The following USP31 variants were observed in gnomAD, a reference collection of about 807,000 sequenced individuals.
The protein encoded by USP31 is ubiquitin specific peptidase 31.
USP31 carries 44 observed loss-of-function variants against 119.4 expected under a neutral mutation model. The observed-to-expected ratio is 0.37, with a 90% CI of 0.29 to 0.47. The LOEUF is 0.47. Among genes scored for constraint, USP31 ranks in the 20% least tolerant of loss-of-function variants. USP31 has a pLI of 0.99. For missense variants in USP31, 1,643 were observed against 1,730.2 expected (o/e 0.95, Z 0.89); for synonymous variants, 749 against 705.6 (o/e 1.06, Z -0.97).
chr16:23,107,112 CAAA>C (rs550513867), intron 2 of USP31, among the ~76,000 whole-genome samples: 1 of 128,798 alleles, frequency 7.8e-6, no homozygotes. Context: ...AAGTCCGTCT[CAAA>C]AAAAAAAAAA....
intron 15 of USP31, among the ~76,000 whole-genome samples, chr16:23,071,680 C>G (rs1199613730): frequency 6.6e-6 from 1 of 151,626 alleles, no homozygotes; most frequent in Non-Finnish European, 1.5e-5. Flanking sequence ...CTCCCCACCA[C>G]GTGGCCTGGG....
intron 1 of USP31, among the ~76,000 whole-genome samples, chr16:23,133,571 A>G (rs1175288467): frequency 6.6e-6 from 1 of 152,210 alleles, no homozygotes; most frequent in Non-Finnish European, 1.5e-5. Flanking sequence ...AATGTATGAA[A>G]AAATCCATCC....
intron 12 of USP31, 148 bp downstream of exon 12, chr16:23,082,290 A>C: frequency 9.3e-7 from 1 of 1,078,518 alleles, no homozygotes; most frequent in South Asian, 2.2e-5. Context: ...TACCCTAAAC[A>C]CAGGGGCAAA....
chr16:23,079,592 T>A, intron 13 of USP31: 1 of 172,488 alleles, frequency 5.8e-6, no homozygotes, highest in Non-Finnish European at 1.2e-5. Context: ...TAGTTCACAA[T>A]CATTTAAAAT....
At chr16:23,130,421 A>C (rs1902993994) in intron 1 of USP31, among the ~76,000 whole-genome samples, 1 of 148,236 alleles carries the variant, frequency 6.7e-6, no homozygotes, top group Non-Finnish European at 1.5e-5. Context: ...CCCCCCCCCC[A>C]ACTAATATTT....
intron 1 of USP31, among the ~76,000 whole-genome samples, chr16:23,123,398 C>T (rs1902741511): frequency 1.3e-5 from 2 of 152,000 alleles, no homozygotes; most frequent in East Asian, 3.9e-4. Context: ...ATCAGCCAGG[C>T]GTGTTGGTGC....
intron 1 of USP31, among the ~76,000 whole-genome samples, chr16:23,121,853 T>C (rs961857033): frequency 9.2e-5 from 14 of 152,218 alleles, no homozygotes; most frequent in African/African-American, 3.4e-4. Flanking sequence ...CTGAAAGGAA[T>C]TTCCTCGTTT....
intron 5 of USP31, among the ~76,000 whole-genome samples, chr16:23,104,145 G>A (rs1901997210): frequency 6.6e-6 from 1 of 152,166 alleles, no homozygotes; most frequent in African/African-American, 2.4e-5. Context: ...AAGGGAGTTG[G>A]ACTAGACCTA....
chr16:23,069,253 TC>T lies in USP31; in HGVS notation c.2851del (p.Asp951ThrfsTer8), dbSNP rs1370022015. On this transcript the variant is annotated frameshift_variant, in exon 16 of 16. Transcript: ENST00000219689. LOFTEE classifies it high-confidence loss of function. ...PLAVMEGVFK[D>X]ESDTRRLNSS... Reference sequence around the variant, plus strand: ...GTTCAATCTGCGGGTGTCCGATTCGTCTTTGAACACGCCTTCCATGACAGCC... The same window carrying T: ...GTTCAATCTGCGGGTGTCCGATTCGTTTTGAACACGCCTTCCATGACAGCC... 1 of 1,614,036 alleles carries T rather than the reference TC, an allele frequency of 6.2e-7. No individual in the cohort carries two copies. Among genetic ancestry groups the T allele is most frequent in the Admixed American group, 1.7e-5 (1 of 60,026 alleles).
intron 13 of USP31, among the ~76,000 whole-genome samples, chr16:23,076,733 G>C (rs1900591007): frequency 6.6e-6 from 1 of 152,190 alleles, no homozygotes; most frequent in Non-Finnish European, 1.5e-5. Context: ...CAGAAACTAT[G>C]TAACAAGCCA....
intron 6 of USP31, among the ~76,000 whole-genome samples, chr16:23,102,091 TTCCCAACTA>T (rs1485220707): frequency 6.6e-6 from 1 of 152,076 alleles, no homozygotes; most frequent in Non-Finnish European, 1.5e-5. Context: ...ATAAGAGGTT[TTCCCAACTA>T]AACTATGGAT....
At chr16:23,092,080 T>TGCCA (rs71284704) in intron 6 of USP31, among the ~76,000 whole-genome samples, 41,560 of 151,928 alleles carry the variant, frequency 0.27, 6,094 homozygotes, top group Admixed American at 0.35. Context: ...ACCCATTTAC[T>TGCCA]GCCAGCTGTG....
Position 23,065,059 on chromosome 16 carries a change from C to CT in USP31, c.*2986_*2987insA, listed in dbSNP as rs1900010274. On this transcript the variant is annotated 3_prime_UTR_variant, in exon 16 of 16. Coordinates refer to ENST00000219689, the MANE Select transcript of USP31 (RefSeq NM_020718.4). ...CACATTATCTAAGGGATTACCAAGG[C>CT]AAGATGTAGGGCTGTCTTAAGGAAT... 6.6e-6 allele frequency: 1 copy of CT among 152,078 alleles called. No homozygotes were observed. Among genetic ancestry groups the CT allele is most frequent in the Non-Finnish European group, 1.5e-5 (1 of 68,020 alleles). 9.4% of individuals were successfully genotyped at this position (152,078 alleles called of 1,614,324 possible). A position where few individuals can be genotyped will look rare whatever the true frequency, so the allele number is the denominator to read the frequency against.
At chr16:23,118,780 C>G (rs951854879) in intron 1 of USP31, among the ~76,000 whole-genome samples, 5 of 152,024 alleles carry the variant, frequency 3.3e-5, no homozygotes, top group Non-Finnish European at 4.4e-5. Flanking sequence ...TCAGGCATTA[C>G]GCTTATTGCT....
In USP31 at chr16:23,137,211, TCAAA is replaced by T. The variant is rs1167647612; in HGVS notation, c.633+11423_633+11426del. Among the ~76,000 whole-genome samples, 21 of 152,018 alleles carry T rather than the reference TCAAA, an allele frequency of 1.4e-4. No homozygotes were observed. In the East Asian group the frequency reaches 1.9e-3, roughly 14 times the overall value. Reference sequence around the variant, plus strand: ...CTGAGTGACAGAGCAAGACCCTGTCTCAAACAAACAAACAAAAAAAACAATGCGA... The same window carrying T: ...CTGAGTGACAGAGCAAGACCCTGTCTCAAACAAACAAAAAAAACAATGCGA... On this transcript the variant is annotated intron_variant, in intron 1 of 15. Coordinates refer to ENST00000219689, the MANE Select transcript of USP31 (RefSeq NM_020718.4).
At chr16:23,095,000 A>G (rs1013468466) in intron 6 of USP31, among the ~76,000 whole-genome samples, 5 of 152,238 alleles carry the variant, frequency 3.3e-5, no homozygotes, top group Non-Finnish European at 5.9e-5. Context: ...TGGATGGAGA[A>G]TGACTTTGAT....
intron 1 of USP31, among the ~76,000 whole-genome samples, chr16:23,123,307 G>A (rs1902737369): frequency 6.6e-6 from 1 of 152,174 alleles, no homozygotes; most frequent in African/African-American, 2.4e-5. Context: ...GGAGGCCGAG[G>A]TGGATGGATC....
At chr16:23,116,417 G>C (rs1027393459) in intron 1 of USP31, among the ~76,000 whole-genome samples, 9 of 152,156 alleles carry the variant, frequency 5.9e-5, no homozygotes, top group Non-Finnish European at 1.2e-4. Flanking sequence ...CTACTAAGTT[G>C]ATGAAGAATA....
chr16:23,141,713 T>C (rs1302214674), intron 1 of USP31, among the ~76,000 whole-genome samples: 3 of 152,192 alleles, frequency 2.0e-5, no homozygotes, highest in South Asian at 4.1e-4. Flanking sequence ...CCAGTGTTTA[T>C]TGAATAATAT....
Sources: allele counts gnomAD v4.1 joint callset (sites outside exome capture counted in the v4.1 genomes callset), GRCh38; gene constraint gnomAD v4.1.1; transcripts MANE v1.5; gene names NCBI Gene and HGNC (gene_info 2026-07-23, HGNC 2026-07-21).